CCDC91: variants seen among roughly 807,000 people sequenced by gnomAD.
The protein encoded by CCDC91 is coiled-coil domain-containing protein 91.
In CCDC91, 48 loss-of-function variants were observed where a neutral mutation model predicts 63.2. The observed-to-expected ratio is 0.76, with a 90% confidence interval of 0.60 to 0.97. The LOEUF is 0.97. Among genes scored for constraint, CCDC91 ranks in the 50% least tolerant of loss-of-function variants. CCDC91 has a pLI of 0.00. For missense variants in CCDC91, 500 were observed against 494.6 expected, an observed-to-expected ratio of 1.01 and a Z score of -0.10; for synonymous variants, 167 against 165.8, an observed-to-expected ratio of 1.01 and a Z score of -0.06.
intron 11 of CCDC91, among the ~76,000 whole-genome samples, chr12:28,469,420 A>G (rs553698411): frequency 6.6e-6 from 1 of 152,188 alleles, no homozygotes; most frequent in Admixed American, 6.5e-5. Flanking sequence ...TAAAACACTG[A>G]TGAAAGAAAT....
At chr12:28,528,903 T>C (rs1289271612) in intron 12 of CCDC91, among the ~76,000 whole-genome samples, 1 of 152,186 alleles carries the variant, frequency 6.6e-6, no homozygotes, top group African/African-American at 2.4e-5. Context: ...TGGAATACTA[T>C]GCATCCATTA....
intron 6 of CCDC91, among the ~76,000 whole-genome samples, chr12:28,352,481 C>T (rs1030822082): frequency 4.5e-4 from 68 of 152,266 alleles, no homozygotes; most frequent in African/African-American, 1.3e-3. Flanking sequence ...AAATCCCTGG[C>T]GGCCATTTCA....
chr12:28,436,763 T>A (rs940675282), intron 8 of CCDC91, among the ~76,000 whole-genome samples: 2 of 151,900 alleles, frequency 1.3e-5, no homozygotes, highest in South Asian at 4.1e-4. Context: ...AGATTTTTTT[T>A]TTATTATTAT....
chr12:28,534,155 T>C (rs1264239581), intron 12 of CCDC91, among the ~76,000 whole-genome samples: 5 of 152,204 alleles, frequency 3.3e-5, no homozygotes, highest in African/African-American at 7.2e-5. Flanking sequence ...ACTATGGTTA[T>C]GCTACTGATT....
intron 11 of CCDC91, among the ~76,000 whole-genome samples, chr12:28,474,615 G>C (rs1364086477): frequency 6.6e-6 from 1 of 151,996 alleles, no homozygotes; most frequent in Non-Finnish European, 1.5e-5. Flanking sequence ...TCTAAAGAGG[G>C]AAGATAGGGG....
chr12:28,462,535 A>G (rs1403958357), intron 11 of CCDC91, among the ~76,000 whole-genome samples: 2 of 152,076 alleles, frequency 1.3e-5, no homozygotes, highest in Non-Finnish European at 2.9e-5. Context: ...TACCCATAGA[A>G]TAAGTTGCTC....
At chr12:28,228,066 T>A (rs1454647486) in intron 1 of CCDC91, among the ~76,000 whole-genome samples, 6 of 152,092 alleles carry the variant, frequency 3.9e-5, no homozygotes, top group Admixed American at 3.9e-4. Flanking sequence ...TCATGACTTT[T>A]CATAATTTTG....
rs199874600 is a variant in CCDC91, at chr12:28,422,969, GGTT to G, written c.763-27182_763-27180del. ...GTTGTTGGTGTTTGTTGTTGTTGGT[GGTT>G]GTTGTTGTTATTGTTTGGCTTATTA... On this transcript the variant is annotated intron_variant, in intron 8 of 12. Coordinates refer to ENST00000536442, the MANE Select transcript of CCDC91 (RefSeq NM_018318.5). Among the ~76,000 whole-genome samples, 1,378 of 152,010 alleles carry G rather than the reference GGTT, an allele frequency of 9.1e-3. 19 individuals are homozygous for G. The highest frequency in any genetic ancestry group is 0.014 in the Non-Finnish European group (936 of 67,910).
At chr12:28,292,881 A>G (rs1464251529) in intron 3 of CCDC91, among the ~76,000 whole-genome samples, 2 of 152,290 alleles carry the variant, frequency 1.3e-5, no homozygotes, top group East Asian at 3.9e-4. Flanking sequence ...CTGTTTATGT[A>G]CAATAATACT....
intron 8 of CCDC91, among the ~76,000 whole-genome samples, chr12:28,402,273 G>T (rs1321766134): frequency 1.3e-5 from 2 of 152,060 alleles, no homozygotes; most frequent in Admixed American, 1.3e-4. Context: ...TATGAACGTT[G>T]ACTGTCTTTA....
intron 12 of CCDC91, among the ~76,000 whole-genome samples, chr12:28,540,893 C>G (rs7294972): frequency 0.09 from 13,651 of 152,040 alleles, 1,886 homozygotes; most frequent in African/African-American, 0.3. Flanking sequence ...TATGGAGAGG[C>G]TCACATGGGC....
intron 1 of CCDC91, among the ~76,000 whole-genome samples, chr12:28,197,942 A>G (rs1398469883): frequency 1.3e-5 from 2 of 152,238 alleles, no homozygotes; most frequent in Non-Finnish European, 2.9e-5. Flanking sequence ...AATGTGAAGA[A>G]TTTTGTAATT....
intron 12 of CCDC91, among the ~76,000 whole-genome samples, chr12:28,493,653 T>A (rs1487377593): frequency 6.6e-6 from 1 of 151,782 alleles, no homozygotes; most frequent in South Asian, 2.1e-4. Context: ...TATATTCCCA[T>A]TGCCAATATT....
chr12:28,217,180 A>G (rs1035243519), intron 1 of CCDC91, among the ~76,000 whole-genome samples: 4 of 152,200 alleles, frequency 2.6e-5, no homozygotes, highest in Non-Finnish European at 5.9e-5. Context: ...GTATTGTGGT[A>G]CTGACAACAG....
At chr12:28,420,937 G>A (rs1460813203) in intron 8 of CCDC91, among the ~76,000 whole-genome samples, 2 of 151,860 alleles carry the variant, frequency 1.3e-5, no homozygotes, top group Admixed American at 1.3e-4. Flanking sequence ...GTTTATTCAT[G>A]TATTTTTCCA....
intron 12 of CCDC91, among the ~76,000 whole-genome samples, chr12:28,544,356 T>A (rs1232698715): frequency 6.6e-6 from 1 of 151,962 alleles, no homozygotes; most frequent in East Asian, 1.9e-4. Flanking sequence ...TTGTCTCTTT[T>A]CAAGTCTCTT....
chr12:28,375,878 T>C lies in CCDC91; in HGVS notation c.654+13363T>C, dbSNP rs971821915. ...AAAGATTACCATCTTATCTATTATG[T>C]AGAGTATCATATTTTTGAGATAATG... On this transcript the variant is annotated intron_variant, in intron 7 of 12. Coordinates refer to ENST00000536442, the MANE Select transcript of CCDC91 (RefSeq NM_018318.5). Among the ~76,000 whole-genome samples the C allele has an allele frequency of 2.0e-5, 3 of 152,054 alleles. No homozygotes were observed. In the South Asian group the frequency reaches 6.2e-4, roughly 32 times the overall value.
intron 12 of CCDC91, among the ~76,000 whole-genome samples, chr12:28,548,591 A>T (rs1043474629): frequency 1.3e-5 from 2 of 152,044 alleles, no homozygotes; most frequent in African/African-American, 4.8e-5. Context: ...TTTAAAGCAT[A>T]CTTTTCCCCA....
chr12:28,499,123 G>A (rs752904164), intron 12 of CCDC91, among the ~76,000 whole-genome samples: 2 of 151,452 alleles, frequency 1.3e-5, no homozygotes, highest in Non-Finnish European at 1.5e-5. Flanking sequence ...ATGAACTTGA[G>A]TTATTTCAAG....
Sources: allele counts gnomAD v4.1 joint callset (sites outside exome capture counted in the v4.1 genomes callset), GRCh38; gene constraint gnomAD v4.1.1; transcripts MANE v1.5; gene names NCBI Gene and HGNC (gene_info 2026-07-23, HGNC 2026-07-21).